Variants in RCAN1 observed in about 807,000 individuals in gnomAD.
RCAN1 encodes the protein regulator of calcineurin 1.
In RCAN1, 11 loss-of-function variants were observed where a neutral mutation model predicts 22.9. That is an observed-to-expected ratio of 0.48 (90% CI 0.30 to 0.79). The LOEUF is 0.79. RCAN1 is among the 30% of genes least tolerant of loss of function. RCAN1 has a pLI of 0.06. For missense variants in RCAN1, 291 were observed against 337.8 expected, an observed-to-expected ratio of 0.86 and a Z score of 1.09; for synonymous variants, 136 against 142.3, an observed-to-expected ratio of 0.96 and a Z score of 0.32.
chr21:34,549,121 C>G (rs764576813), intron 1 of RCAN1, among the ~76,000 whole-genome samples: 53 of 152,238 alleles, frequency 3.5e-4, no homozygotes, highest in Middle Eastern at 3.4e-3. Context: ...TGTCTCCATC[C>G]CACGTGATGA....
chr21:34,579,209 A>C (rs1287550160), intron 1 of RCAN1, among the ~76,000 whole-genome samples: 1 of 152,154 alleles, frequency 6.6e-6, no homozygotes, highest in Non-Finnish European at 1.5e-5. Flanking sequence ...AACCTGGGCA[A>C]CATGGCAAAA....
chr21:34,587,139 A>G (rs1987827671), intron 1 of RCAN1, among the ~76,000 whole-genome samples: 1 of 152,190 alleles, frequency 6.6e-6, no homozygotes, highest in South Asian at 2.1e-4. Flanking sequence ...ACATAACTAC[A>G]GGTCCTACAG....
intron 1 of RCAN1, among the ~76,000 whole-genome samples, chr21:34,532,033 T>C (rs1466491419): frequency 6.6e-6 from 1 of 151,976 alleles, no homozygotes; most frequent in Non-Finnish European, 1.5e-5. Context: ...CGGGGGTAGA[T>C]TGAGCTCAAC....
At chr21:34,563,770 A>AAAAAATATATAT (rs1555863394) in intron 1 of RCAN1, among the ~76,000 whole-genome samples, 1 of 65,476 alleles carries the variant, frequency 1.5e-5, no homozygotes, top group African/African-American at 6.9e-5. Context: ...AAAAAAAAAA[A>AAAAAATATATAT]ATATATATAT....
intron 1 of RCAN1, among the ~76,000 whole-genome samples, chr21:34,536,523 T>A (rs1401191465): frequency 6.6e-6 from 1 of 152,168 alleles, no homozygotes; most frequent in Admixed American, 6.5e-5. Flanking sequence ...AAGTCAGTCC[T>A]TCACACGCAA....
chr21:34,583,171 A>G (rs1196606490), intron 1 of RCAN1, among the ~76,000 whole-genome samples: 2 of 137,294 alleles, frequency 1.5e-5, no homozygotes, highest in Non-Finnish European at 3.1e-5. Flanking sequence ...ACAGTTGGCG[A>G]TAGGGCCTTT....
Position 34,517,790 on chromosome 21 carries a change from C to A in RCAN1, c.*294G>T. The A allele has an allele frequency of 2.7e-6, 1 of 371,060 alleles. No homozygotes were observed. The highest frequency in any genetic ancestry group is 5.4e-5 in the East Asian group (1 of 18,616). The allele number at this position is 371,060 out of a possible 1,614,324, so 23.0% of individuals were successfully genotyped here. A position where few individuals can be genotyped will look rare whatever the true frequency, so the allele number is the denominator to read the frequency against. On this transcript the variant is annotated 3_prime_UTR_variant, in exon 4 of 4. Coordinates refer to ENST00000313806, the MANE Select transcript of RCAN1 (RefSeq NM_004414.7). The stretch of plus-strand genomic sequence containing the variant: ...ACAGACAGAACCTACCAGAAAAGAA[C>A]AAGTACAAAACACTATCATTATCTG...
At chr21:34,606,879 G>A (rs985082982) in intron 1 of RCAN1, among the ~76,000 whole-genome samples, 2 of 152,134 alleles carry the variant, frequency 1.3e-5, no homozygotes, top group African/African-American at 4.8e-5. Flanking sequence ...CCAGAACTGT[G>A]GGAAATACAT....
At chr21:34,527,866 AAAAAAG>A (rs1403343967) in intron 1 of RCAN1, among the ~76,000 whole-genome samples, 1 of 152,144 alleles carries the variant, frequency 6.6e-6, no homozygotes, top group African/African-American at 2.4e-5. Context: ...AAAAAAAAAA[AAAAAAG>A]GAAAGGAAGA....
intron 1 of RCAN1, among the ~76,000 whole-genome samples, chr21:34,544,057 G>A (rs1246820294): frequency 1.3e-5 from 2 of 152,256 alleles, no homozygotes; most frequent in African/African-American, 2.4e-5. Context: ...ATGTGCATAG[G>A]TAGGTGCTTT....
At chr21:34,608,658 C>G (rs1485093556) in intron 1 of RCAN1, among the ~76,000 whole-genome samples, 2 of 152,202 alleles carry the variant, frequency 1.3e-5, no homozygotes, top group East Asian at 3.8e-4. Flanking sequence ...AATTTCTGAC[C>G]CACAGACACT....
chr21:34,553,278 G>C (rs1032877713), intron 1 of RCAN1, among the ~76,000 whole-genome samples: 1 of 152,124 alleles, frequency 6.6e-6, no homozygotes, highest in African/African-American at 2.4e-5. Flanking sequence ...TAGTAGGGAC[G>C]AGCAAGCAAC....
chr21:34,526,526 G>T, intron 1 of RCAN1: 2 of 823,832 alleles, frequency 2.4e-6, no homozygotes, highest in Non-Finnish European at 3.6e-6. Context: ...GATTTTCAAG[G>T]CTCGAAAGAC....
At chr21:34,578,720 G>A (rs987606941) in intron 1 of RCAN1, among the ~76,000 whole-genome samples, 1 of 152,138 alleles carries the variant, frequency 6.6e-6, no homozygotes, top group African/African-American at 2.4e-5. Context: ...TAAGACACCC[G>A]CCCTGACAAG....
chr21:34,525,376 G>A (rs1984971020), intron 1 of RCAN1: 1 of 1,457,106 alleles, frequency 6.9e-7, no homozygotes, highest in Non-Finnish European at 9.1e-7. Flanking sequence ...GCAGAGGCAC[G>A]TGCGAAGGAA....
intron 1 of RCAN1, among the ~76,000 whole-genome samples, chr21:34,589,279 C>T (rs4816495): frequency 0.46 from 69,322 of 151,920 alleles, 15,970 homozygotes; most frequent in East Asian, 0.6. Context: ...ATTGTAGATC[C>T]ATTAAATGGG....
chr21:34,583,881 C>T (rs1987704690), intron 1 of RCAN1, among the ~76,000 whole-genome samples: 1 of 152,042 alleles, frequency 6.6e-6, no homozygotes, highest in Non-Finnish European at 1.5e-5. Flanking sequence ...AAAACTACAC[C>T]CTCCTATATC....
In RCAN1 at chr21:34,614,896, G is replaced by A; in HGVS notation, c.116C>T (p.Ala39Val). The A allele has an allele frequency of 4.2e-6, 6 of 1,434,228 alleles. No homozygotes were observed. The highest frequency in any genetic ancestry group is 2.5e-5 in the South Asian group (2 of 78,592). The allele number at this position is 1,434,228 out of a possible 1,614,324, so 88.8% of individuals were successfully genotyped here. The change falls in exon 1 of 4, where the codon GCG (alanine) becomes GTG (valine). Residue 39 changes from alanine to valine, a missense_variant. Physicochemically the swap from Ala to Val is moderately conservative, Grantham distance 64. Transcript: ENST00000313806. This position sits in a 1 kb window ranked among gnomAD's most constrained non-coding sequence, Gnocchi z 6.0. ...TLRPFAPLSG[A>V]AEADEGGGDW... ...GCCGCCGCCCTCGTCCGCCTCGGCC[G>A]CCCCCGAGAGGGGCGCGAAGGGCCG...
intron 1 of RCAN1, among the ~76,000 whole-genome samples, chr21:34,567,291 T>C (rs1372617834): frequency 6.6e-6 from 1 of 152,134 alleles, no homozygotes; most frequent in Non-Finnish European, 1.5e-5. Context: ...GTCAGGAGAA[T>C]CGAGACCATC....
Sources: allele counts gnomAD v4.1 joint callset (sites outside exome capture counted in the v4.1 genomes callset), GRCh38; gene constraint gnomAD v4.1.1; non-coding constraint Gnocchi (gnomAD v3.1); transcripts MANE v1.5; gene names NCBI Gene and HGNC (gene_info 2026-07-23, HGNC 2026-07-21).